CSMD1: variants seen among roughly 807,000 people sequenced by gnomAD.
CSMD1 encodes the protein CUB and sushi domain-containing protein 1.
CSMD1 carries 213 observed loss-of-function variants against 417.5 expected under a neutral mutation model. That is an observed-to-expected ratio of 0.51 (90% confidence interval 0.46 to 0.57). CSMD1 has a LOEUF of 0.57. Ranked by LOEUF, CSMD1 falls within the 20% of genes least tolerant of loss-of-function variation. The probability of loss-of-function intolerance (pLI) is 0.00; values close to 1 mark genes in which losing one functional copy is unlikely to be tolerated. For synonymous variants in CSMD1, 2,862 were observed against 1,736.8 expected, an observed-to-expected ratio of 1.65 and a Z score of -16.11; for missense variants, 6,923 against 4,529.7, an observed-to-expected ratio of 1.53 and a Z score of -15.17.
chr8:3,690,953 G>T (rs1449603184), intron 7 of CSMD1, among the ~76,000 whole-genome samples: 2 of 152,176 alleles, frequency 1.3e-5, no homozygotes, highest in African/African-American at 4.8e-5. Context: ...TCGGCCCCAT[G>T]ATTTGACTGG....
At chr8:3,261,216 C>A (rs1303050259) in intron 26 of CSMD1, among the ~76,000 whole-genome samples, 1 of 152,066 alleles carries the variant, frequency 6.6e-6, no homozygotes, top group African/African-American at 2.4e-5. Context: ...TGTAAAATAT[C>A]AAATGTTGCA....
At chr8:3,885,527 G>C (rs58545028) in intron 5 of CSMD1, among the ~76,000 whole-genome samples, 7,005 of 152,162 alleles carry the variant, frequency 0.046, 220 homozygotes, top group African/African-American at 0.081. Context: ...TGTTGTCTCA[G>C]AATACTAGGG....
chr8:3,646,907 G>A (rs756963331), intron 7 of CSMD1, among the ~76,000 whole-genome samples: 6 of 152,102 alleles, frequency 3.9e-5, no homozygotes, highest in Non-Finnish European at 5.9e-5. Context: ...AGTAGGCTTA[G>A]GTAGGGCAGA....
At chr8:3,504,445 T>C (rs1796739420) in intron 10 of CSMD1, among the ~76,000 whole-genome samples, 1 of 152,166 alleles carries the variant, frequency 6.6e-6, no homozygotes, top group South Asian at 2.1e-4. Context: ...AGGTGTGTAC[T>C]TCTTCTTGGC....
Position 4,380,072 on chromosome 8 carries a change from T to C in CSMD1, c.415+39881A>G, listed in dbSNP as rs551823970. Among the ~76,000 whole-genome samples the C allele has an allele frequency of 2.8e-4, 42 of 152,294 alleles. 1 individual carries two copies. The South Asian group carries it at 8.3e-3, about 30-fold the overall frequency. On this transcript the variant is annotated intron_variant, in intron 3 of 69. Transcript: ENST00000635120. Reference sequence around the variant, plus strand: ...ATCCATCAATCCATATGAAGATAAATGATTGGGATAAAAAGTAAATGGGAG... The same window carrying C: ...ATCCATCAATCCATATGAAGATAAACGATTGGGATAAAAAGTAAATGGGAG...
chr8:4,100,222 C>T (rs540485909), intron 3 of CSMD1, among the ~76,000 whole-genome samples: 5 of 152,260 alleles, frequency 3.3e-5, no homozygotes, highest in Admixed American at 2.6e-4. Context: ...ATTATATAGT[C>T]TCTAGCATAC....
intron 3 of CSMD1, among the ~76,000 whole-genome samples, chr8:4,383,999 G>A (rs1037390086): frequency 6.6e-5 from 10 of 152,246 alleles, no homozygotes; most frequent in African/African-American, 2.4e-4. Context: ...ACTTGGACAA[G>A]AAGGATCCAG....
At chr8:3,519,222 T>A (rs146853717) in intron 10 of CSMD1, among the ~76,000 whole-genome samples, 399 of 152,308 alleles carry the variant, frequency 2.6e-3, no homozygotes, top group African/African-American at 9.2e-3. Context: ...TTACCAACAC[T>A]TTTTCTTTCC....
chr8:3,523,548 C>T (rs1390672692), intron 10 of CSMD1, among the ~76,000 whole-genome samples: 4 of 151,730 alleles, frequency 2.6e-5, no homozygotes, highest in Admixed American at 6.6e-5. Context: ...CACACCCAGA[C>T]ACATGTGCAC....
At chr8:4,151,834 A>T (rs1305851497) in intron 3 of CSMD1, among the ~76,000 whole-genome samples, 1 of 152,206 alleles carries the variant, frequency 6.6e-6, no homozygotes, top group Non-Finnish European at 1.5e-5. Flanking sequence ...TATATATAGC[A>T]TGAATCAATT....
intron 2 of CSMD1, among the ~76,000 whole-genome samples, chr8:4,482,913 T>C (rs1801175092): frequency 6.6e-6 from 1 of 152,174 alleles, no homozygotes; most frequent in African/African-American, 2.4e-5. Flanking sequence ...TTTCCAAATA[T>C]ATTAATTTTT....
At chr8:3,471,100 C>T (rs1474551403) in intron 11 of CSMD1, among the ~76,000 whole-genome samples, 1 of 152,164 alleles carries the variant, frequency 6.6e-6, no homozygotes, top group Admixed American at 6.5e-5. Flanking sequence ...CCAAATTTTT[C>T]CCCAGACTGT....
At chr8:3,354,077 T>C (rs1050729579) in intron 21 of CSMD1, among the ~76,000 whole-genome samples, 1 of 152,174 alleles carries the variant, frequency 6.6e-6, no homozygotes, top group Non-Finnish European at 1.5e-5. Flanking sequence ...TATAAATTAA[T>C]GCATATTCAA....
intron 2 of CSMD1, among the ~76,000 whole-genome samples, chr8:4,486,779 C>A (rs1027532923): frequency 6.6e-6 from 1 of 152,148 alleles, no homozygotes; most frequent in Non-Finnish European, 1.5e-5. Context: ...GAGTGATAAA[C>A]GATCCTGAAA....
At chr8:4,753,281 G>A (rs749358790) in intron 1 of CSMD1, among the ~76,000 whole-genome samples, 15 of 151,356 alleles carry the variant, frequency 9.9e-5, no homozygotes, top group Non-Finnish European at 1.5e-4. Context: ...ATATTGTAGA[G>A]GATGATGAGG....
intron 2 of CSMD1, among the ~76,000 whole-genome samples, chr8:4,478,124 C>T (rs1325307146): frequency 6.6e-6 from 1 of 152,200 alleles, no homozygotes; most frequent in Non-Finnish European, 1.5e-5. Context: ...GTTACGTTCA[C>T]AGGCCTAGTG....
intron 20 of CSMD1, among the ~76,000 whole-genome samples, chr8:3,361,413 G>C (rs1225083444): frequency 6.6e-6 from 1 of 151,836 alleles, no homozygotes; most frequent in African/African-American, 2.4e-5. Context: ...TGGATCATGA[G>C]GTCAGGAGTT....
At chr8:3,612,175 T>A (rs960107501) in intron 8 of CSMD1, among the ~76,000 whole-genome samples, 1 of 152,010 alleles carries the variant, frequency 6.6e-6, no homozygotes, top group Non-Finnish European at 1.5e-5. Context: ...TAAGACAAAT[T>A]TGATTTCAGA....
intron 2 of CSMD1, among the ~76,000 whole-genome samples, chr8:4,459,638 C>G (rs908033961): frequency 6.6e-6 from 1 of 152,110 alleles, no homozygotes; most frequent in African/African-American, 2.4e-5. Context: ...TAGAACAAAC[C>G]TCAAAGCCTG....
Sources: gnomAD v4.1 joint callset for allele counts (sites outside exome capture counted in the v4.1 genomes callset) on GRCh38, gnomAD v4.1.1 for gene constraint, MANE v1.5 for transcripts, NCBI Gene and HGNC (gene_info 2026-07-23, HGNC 2026-07-21) for gene names.